The following ADAM7 variants were observed in gnomAD, a reference collection of about 807,000 sequenced individuals.
ADAM7 encodes ADAM metallopeptidase domain 7, also known as disintegrin and metalloproteinase domain-containing protein 7.
A neutral mutation model predicts 102.9 loss-of-function variants in ADAM7; 97 were observed. That is an observed-to-expected ratio of 0.94 (90% CI 0.80 to 1.12). The LOEUF is 1.12. Ranked by LOEUF, ADAM7 falls within the 50% of genes most tolerant of loss-of-function variation. ADAM7 has a pLI of 0.00. For missense variants in ADAM7, 991 were observed against 908.7 expected (o/e 1.09, Z -1.16); for synonymous variants, 334 against 304.4 (o/e 1.10, Z -1.01).
chr8:24,491,748 T>C, intron 13 of ADAM7, 155 bp from the exon 14 acceptor site: 1 of 575,744 alleles, frequency 1.7e-6, no homozygotes, highest in Non-Finnish European at 2.9e-6. Flanking sequence ...GCCAACACAT[T>C]GACAAATGAC....
chr8:24,494,188 G>T (rs1289493342), intron 16 of ADAM7, among the ~76,000 whole-genome samples: 1 of 152,064 alleles, frequency 6.6e-6, no homozygotes, highest in African/African-American at 2.4e-5. Context: ...GAAAACCAAA[G>T]TTCAGAATGT....
At chr8:24,479,884 T>C (rs1038350568) in intron 8 of ADAM7, among the ~76,000 whole-genome samples, 1 of 152,178 alleles carries the variant, frequency 6.6e-6, no homozygotes, top group Non-Finnish European at 1.5e-5. Flanking sequence ...AGTTCTGTGG[T>C]GGATACAGAA....
chr8:24,507,592 T>C, intron 21 of ADAM7, 57 bp downstream of exon 21: 1 of 1,385,076 alleles, frequency 7.2e-7, no homozygotes, highest in Admixed American at 1.7e-5. Context: ...GCTGGCATAG[T>C]TTTGTGTTCT....
intron 3 of ADAM7, among the ~76,000 whole-genome samples, chr8:24,460,883 CT>C (rs2129379763): frequency 6.6e-6 from 1 of 151,928 alleles, no homozygotes; most frequent in South Asian, 2.1e-4. Flanking sequence ...TTATCTCTCC[CT>C]TTTTGTTACA....
chr8:24,506,066 G>T, intron 20 of ADAM7: 1 of 1,527,334 alleles, frequency 6.5e-7, no homozygotes. Context: ...AGGAATTGCA[G>T]GTTAATAGTA....
At chr8:24,483,933 T>C (rs1217316689) in intron 9 of ADAM7, among the ~76,000 whole-genome samples, 2 of 152,176 alleles carry the variant, frequency 1.3e-5, no homozygotes, top group Non-Finnish European at 2.9e-5. Context: ...TGGGGTGAAA[T>C]GCTACTAAAT....
chr8:24,489,317 A>G lies in ADAM7; in HGVS notation c.1250A>G (p.Asp417Gly). 2 of 1,611,602 alleles carry G rather than the reference A, an allele frequency of 1.2e-6. No homozygotes were observed. The highest frequency in any genetic ancestry group is 1.7e-6 in the Non-Finnish European group (2 of 1,178,954). ...AAGTTGGATGAGGGTGAAGAGTGTG[A>G]CTGTGGCCCTGCTCAGGTATTTGCA... is the stretch of plus-strand genomic sequence containing the variant. ...NKKLDEGEEC[D>G]CGPAQECTNP... The change falls in exon 12 of 22, where the codon GAC becomes GGC. Residue 417 changes from aspartate (D) to glycine (G), a missense_variant. Transcript: ENST00000175238.
chr8:24,448,542 T>C (rs1413957710), intron 3 of ADAM7, among the ~76,000 whole-genome samples: 1 of 152,196 alleles, frequency 6.6e-6, no homozygotes, highest in Non-Finnish European at 1.5e-5. Context: ...TGTGATTGGA[T>C]GTTTTTGTAA....
intron 1 of ADAM7, 123 bp downstream of exon 1, chr8:24,441,283 G>A: frequency 2.1e-6 from 2 of 933,480 alleles, no homozygotes; most frequent in South Asian, 1.4e-5. Context: ...TGAGAGCTTC[G>A]ACTAGATTAC....
chr8:24,492,708 G>A (rs1820406406), intron 15 of ADAM7, 111 bp downstream of exon 15: 1 of 707,218 alleles, frequency 1.4e-6, no homozygotes, highest in Non-Finnish European at 2.3e-6. Flanking sequence ...ACCGGGAGAA[G>A]AGGGAAATAA....
chr8:24,490,760 C>T (rs375231767), intron 12 of ADAM7, 39 bp from the exon 13 acceptor site: 4 of 1,590,842 alleles, frequency 2.5e-6, no homozygotes, highest in East Asian at 4.5e-5. Context: ...AGTCAGAGTA[C>T]ATACCAATTT....
chr8:24,485,245 G>C, intron 9 of ADAM7, 32 bp from the exon 10 acceptor site: 1 of 1,586,428 alleles, frequency 6.3e-7, no homozygotes, highest in Non-Finnish European at 8.7e-7. Flanking sequence ...TACTAACTCA[G>C]ATTGAAGACT....
chr8:24,500,944 A>C (rs1339685303), intron 19 of ADAM7, 49 bp downstream of exon 19: 1 of 1,463,026 alleles, frequency 6.8e-7, no homozygotes, highest in Non-Finnish European at 9.5e-7. Flanking sequence ...GTTACTGAGA[A>C]TATGTAAGCT....
chr8:24,445,009 A>G (rs1818503424), intron 2 of ADAM7, among the ~76,000 whole-genome samples: 1 of 152,198 alleles, frequency 6.6e-6, no homozygotes, highest in Non-Finnish European at 1.5e-5. Context: ...TAAAAACCAA[A>G]TTGTTATTAA....
At chr8:24,471,175 ATGTGTT>A (rs1369190582) in intron 7 of ADAM7, among the ~76,000 whole-genome samples, 4 of 152,144 alleles carry the variant, frequency 2.6e-5, no homozygotes, top group Admixed American at 1.3e-4. Flanking sequence ...CAGCTATAGA[ATGTGTT>A]TGATTTTAAA....
chr8:24,474,649 G>C (rs765425856), intron 7 of ADAM7, among the ~76,000 whole-genome samples: 12 of 152,114 alleles, frequency 7.9e-5, no homozygotes, highest in Non-Finnish European at 1.5e-4. Context: ...CCAGCACTTT[G>C]AGAAGCCGAG....
chr8:24,480,596 T>C (rs932005835), intron 8 of ADAM7, among the ~76,000 whole-genome samples: 1 of 152,172 alleles, frequency 6.6e-6, no homozygotes, highest in Non-Finnish European at 1.5e-5. Flanking sequence ...GAAGAAAATA[T>C]CATCAGAAGG....
chr8:24,446,147 T>G (rs1175005242), intron 2 of ADAM7, among the ~76,000 whole-genome samples: 1 of 152,196 alleles, frequency 6.6e-6, no homozygotes, highest in African/African-American at 2.4e-5. Context: ...GCAACATGTA[T>G]GACCAACAAC....
At position 24,508,762 on chromosome 8, in the gene ADAM7, A is replaced by T; in HGVS notation, c.*216A>T. ...CTCTATCATAAACATATGCTGCAGA[A>T]AAAAAATGTCTTGTGGTCTTTCAAA... On this transcript the variant is annotated 3_prime_UTR_variant, in exon 22 of 22. Coordinates refer to ENST00000175238, the MANE Select transcript of ADAM7 (RefSeq NM_003817.4). 7.4e-7 allele frequency: 1 copy of T among 1,358,764 alleles called. No homozygotes were observed. 84.2% of individuals were successfully genotyped at this position (1,358,764 alleles called of 1,614,324 possible).
Sources: gnomAD v4.1 joint callset for allele counts (sites outside exome capture counted in the v4.1 genomes callset) on GRCh38, gnomAD v4.1.1 for gene constraint, MANE v1.5 for transcripts, NCBI Gene and HGNC (gene_info 2026-07-23, HGNC 2026-07-21) for gene names.